Variants in DMD observed in about 807,000 individuals in gnomAD.
DMD encodes the protein dystrophin, also known as mutant dystrophin.
DMD carries 63 observed loss-of-function variants against 330.1 expected under a neutral mutation model. That is an observed-to-expected ratio of 0.19 (90% CI 0.16 to 0.24). The LOEUF is 0.24. Ranked by LOEUF, DMD falls within the 10% of genes least tolerant of loss-of-function variation. The pLI, the probability that DMD is intolerant of heterozygous loss-of-function variation, is 1.00. For missense variants in DMD, 3,344 were observed against 2,684.1 expected, an observed-to-expected ratio of 1.25 and a Z score of -5.43; for synonymous variants, 1,223 against 959.8, an observed-to-expected ratio of 1.27 and a Z score of -5.07.
At chrX:32,259,657 A>G (rs2097313903) in intron 43 of DMD, among the ~76,000 whole-genome samples, 1 of 111,600 alleles carries the variant, frequency 9.0e-6, no homozygotes, top group Non-Finnish European at 1.9e-5. Context: ...TTTTTATTGA[A>G]CATCCATCGA....
chrX:32,978,672 T>G (rs970500779), intron 2 of DMD, among the ~76,000 whole-genome samples: 13 of 112,172 alleles, frequency 1.2e-4, no homozygotes, highest in Non-Finnish European at 2.3e-4. Flanking sequence ...TTTCACCATG[T>G]TGGCCAGGTT....
At chrX:33,149,877 G>A (rs898806904) in intron 1 of DMD, among the ~76,000 whole-genome samples, 3 of 111,486 alleles carry the variant, frequency 2.7e-5, no homozygotes, top group Non-Finnish European at 3.8e-5. Flanking sequence ...ACAAAATCAT[G>A]AGCTATAAAA....
chrX:33,031,603 T>C (rs1352262265), intron 1 of DMD, among the ~76,000 whole-genome samples: 1 of 110,742 alleles, frequency 9.0e-6, no homozygotes, highest in Admixed American at 9.6e-5. Flanking sequence ...AAGCCCCGTC[T>C]CTACTAAAAA....
intron 49 of DMD, among the ~76,000 whole-genome samples, chrX:31,821,571 T>C (rs1403575568): frequency 8.9e-6 from 1 of 111,863 alleles, no homozygotes; most frequent in Admixed American, 9.5e-5. Context: ...ATAACATATG[T>C]AAGAAAGCTG....
chrX:31,599,882 A>T (rs1487318523), intron 55 of DMD, among the ~76,000 whole-genome samples: 3 of 111,701 alleles, frequency 2.7e-5, no homozygotes, highest in African/African-American at 6.5e-5. Context: ...TCTCATAATC[A>T]ACTATGGTCA....
intron 2 of DMD, among the ~76,000 whole-genome samples, chrX:32,981,769 A>G (rs1466209592): frequency 9.0e-6 from 1 of 111,518 alleles, no homozygotes; most frequent in African/African-American, 3.3e-5. Context: ...GTCAGTTGAA[A>G]ATAGTGCATA....
intron 2 of DMD, among the ~76,000 whole-genome samples, chrX:32,871,422 T>C (rs999592128): frequency 9.0e-6 from 1 of 111,187 alleles, no homozygotes. Flanking sequence ...TATTAACTGA[T>C]GCCTTCCCTC....
At chrX:31,454,431 T>C (rs987434257) in intron 59 of DMD, among the ~76,000 whole-genome samples, 1 of 112,256 alleles carries the variant, frequency 8.9e-6, no homozygotes, top group Admixed American at 9.4e-5. Context: ...CGTGAGCCAC[T>C]GCGCCTGAAG....
At chrX:32,923,488 G>T (rs2088651463) in intron 2 of DMD, among the ~76,000 whole-genome samples, 2 of 109,839 alleles carry the variant, frequency 1.8e-5, no homozygotes, top group African/African-American at 6.6e-5. Flanking sequence ...TTAACCCCGG[G>T]AGCCAGAGGT....
At chrX:32,580,728 C>G (rs1248445400) in intron 13 of DMD, among the ~76,000 whole-genome samples, 1 of 111,468 alleles carries the variant, frequency 9.0e-6, no homozygotes, top group Non-Finnish European at 1.9e-5. Flanking sequence ...ATTTTTTTTG[C>G]ATTTTTTTCT....
At chrX:33,198,622 A>T (rs1253799263) in intron 1 of DMD, among the ~76,000 whole-genome samples, 2 of 111,748 alleles carry the variant, frequency 1.8e-5, no homozygotes, top group African/African-American at 6.5e-5. Context: ...CACATCAAGT[A>T]ACTTATTTAA....
At chrX:31,135,575 A>T (rs1169222803) in intron 76 of DMD, among the ~76,000 whole-genome samples, 1 of 111,850 alleles carries the variant, frequency 8.9e-6, no homozygotes, top group Non-Finnish European at 1.9e-5. Flanking sequence ...TGGATGGATG[A>T]TATTCACTGG....
At chrX:31,536,599 C>A (rs777052944) in intron 55 of DMD, among the ~76,000 whole-genome samples, 1 of 111,395 alleles carries the variant, frequency 9.0e-6, no homozygotes, top group South Asian at 3.8e-4. Context: ...CAACACCTTC[C>A]TCATCACTGG....
At chrX:33,086,385 C>T (rs1316610772) in intron 1 of DMD, among the ~76,000 whole-genome samples, 1 of 111,529 alleles carries the variant, frequency 9.0e-6, no homozygotes, top group Non-Finnish European at 1.9e-5. Context: ...AAATAAAATA[C>T]TTTTTTGTGA....
rs756498315 is a variant in DMD at position 32,915,471 on chromosome X, G to A, written c.94-65651C>T. On this transcript the variant is annotated intron_variant, in intron 2 of 78. Coordinates refer to ENST00000357033, the MANE Select transcript of DMD (RefSeq NM_004006.3). ...AGGAGGTACACACAGGATTTGTCTT[G>A]AATGTAGGTTTCCCTATTTTCAGAG... 7.2e-5 allele frequency among the ~76,000 whole-genome samples: 8 copies of A among 111,757 alleles called. No individual in the cohort carries two copies. The South Asian group carries it at 3.0e-3, about 42-fold the overall frequency.
intron 44 of DMD, among the ~76,000 whole-genome samples, chrX:32,194,401 C>G (rs1186484895): frequency 3.6e-5 from 4 of 112,010 alleles, no homozygotes; most frequent in Non-Finnish European, 7.5e-5. Context: ...ATTCTATTAC[C>G]GTAATTGAGT....
At chrX:32,499,987 G>A (rs2043881837) in intron 19 of DMD, among the ~76,000 whole-genome samples, 1 of 111,034 alleles carries the variant, frequency 9.0e-6, no homozygotes, top group Non-Finnish European at 1.9e-5. Context: ...ACAGAGCTAT[G>A]GTCATTTTAA....
chrX:32,600,957 A>G (rs1045921151), intron 12 of DMD, among the ~76,000 whole-genome samples: 1 of 108,280 alleles, frequency 9.2e-6, no homozygotes, highest in East Asian at 2.8e-4. Context: ...AGACATCTGG[A>G]CAGGAATTGA....
intron 2 of DMD, among the ~76,000 whole-genome samples, chrX:32,988,898 T>A (rs1452792657): frequency 9.0e-6 from 1 of 111,380 alleles, no homozygotes; most frequent in African/African-American, 3.3e-5. Context: ...CTTTAAGAGA[T>A]GGGCATTACA....
Sources: gnomAD v4.1 joint callset for allele counts (sites outside exome capture counted in the v4.1 genomes callset) on GRCh38, gnomAD v4.1.1 for gene constraint, MANE v1.5 for transcripts, NCBI Gene and HGNC (gene_info 2026-07-23, HGNC 2026-07-21) for gene names.